Variants in RASEF observed in about 807,000 individuals in gnomAD.
RASEF encodes the protein ras and EF-hand domain-containing protein.
A neutral mutation model predicts 90.1 loss-of-function variants in RASEF; 68 were observed. The ratio of observed to expected loss-of-function variants is 0.75; its 90% CI spans 0.62 to 0.92. RASEF has a LOEUF of 0.92. Among genes scored for constraint, RASEF ranks in the 40% least tolerant of loss-of-function variants. The pLI, the probability that RASEF is intolerant of heterozygous loss-of-function variation, is 0.00. For synonymous variants in RASEF, 331 were observed against 345.2 expected (o/e 0.96, Z 0.46); for missense variants, 949 against 937.2 (o/e 1.01, Z -0.16).
chr9:83,088,367 T>C, the RASEF span, among the ~76,000 whole-genome samples: 1 of 124,132 alleles, frequency 8.1e-6, no homozygotes, highest in Non-Finnish European at 1.7e-5. Flanking sequence ...GAGATATAGA[T>C]AGATGGATAG....
At chr9:83,032,959 TAAG>T (rs1351211818) in intron 1 of RASEF, among the ~76,000 whole-genome samples, 1 of 152,170 alleles carries the variant, frequency 6.6e-6, no homozygotes, top group Non-Finnish European at 1.5e-5. Flanking sequence ...GGGAACCAGT[TAAG>T]TACAGACAAC....
At position 83,063,013 on chromosome 9, in the gene RASEF, CG is replaced by C. The variant is rs1830245958; in HGVS notation, c.-147del. On this transcript the variant is annotated 5_prime_UTR_variant, in exon 1 of 17. Coordinates refer to ENST00000376447, the MANE Select transcript of RASEF (RefSeq NM_152573.4). Reference sequence around the variant, plus strand: ...TTCGGCCACTTGAGGGAACGTCGGGCGGGGCGAGGAACGTCGGGGGTGGCCG... The same window carrying C: ...TTCGGCCACTTGAGGGAACGTCGGGCGGGCGAGGAACGTCGGGGGTGGCCG... 1.1e-6 allele frequency: 1 copy of C among 870,722 alleles called. No individual in the cohort carries two copies. The highest frequency in any genetic ancestry group is 1.6e-6 in the Non-Finnish European group (1 of 622,142). 53.9% of individuals were successfully genotyped at this position (870,722 alleles called of 1,614,324 possible). A position where few individuals can be genotyped will look rare whatever the true frequency, so the allele number is the denominator to read the frequency against.
chr9:83,137,794 T>C, the RASEF span, among the ~76,000 whole-genome samples: 2 of 37,020 alleles, frequency 5.4e-5, no homozygotes, highest in East Asian at 2.0e-3. Context: ...ATGAAGTGAT[T>C]GAAAAAAAAA....
the RASEF span, among the ~76,000 whole-genome samples, chr9:83,093,919 A>G: frequency 1.3e-5 from 2 of 152,240 alleles, no homozygotes; most frequent in Non-Finnish European, 2.9e-5. Flanking sequence ...ATAGCTTCAT[A>G]AATGTTAGTT....
the RASEF span, among the ~76,000 whole-genome samples, chr9:83,175,615 C>A: frequency 5.3e-5 from 8 of 151,674 alleles, no homozygotes; most frequent in South Asian, 1.7e-3. Flanking sequence ...GAGTCTCACT[C>A]TGTTGCCCAG....
the RASEF span, among the ~76,000 whole-genome samples, chr9:83,140,804 C>T: frequency 1.3e-5 from 2 of 151,826 alleles, no homozygotes; most frequent in Non-Finnish European, 2.9e-5. Context: ...AATAACTTTA[C>T]AAAATTAAGA....
the RASEF span, among the ~76,000 whole-genome samples, chr9:83,187,534 T>C: frequency 6.6e-6 from 1 of 152,264 alleles, no homozygotes; most frequent in Admixed American, 6.5e-5. Flanking sequence ...AAGAAGAAAC[T>C]GGCTCCATGA....
the RASEF span, among the ~76,000 whole-genome samples, chr9:83,116,087 C>A: frequency 6.6e-6 from 1 of 152,070 alleles, no homozygotes; most frequent in Non-Finnish European, 1.5e-5. Flanking sequence ...GAACTCCCTG[C>A]CAAGGCTTCA....
the RASEF span, among the ~76,000 whole-genome samples, chr9:83,079,370 T>C: frequency 6.6e-6 from 1 of 152,200 alleles, no homozygotes; most frequent in Non-Finnish European, 1.5e-5. Flanking sequence ...GGGGCCTTAT[T>C]TCTGGGCTCT....
rs982406054 is a variant in RASEF, at chr9:83,055,400, G to C, written c.431+7037C>G. The C allele has an allele frequency of 3.8e-4, 195 of 513,754 alleles. 1 individual carries two copies. Among genetic ancestry groups the C allele is most frequent in the Non-Finnish European group, 6.1e-4 (173 of 283,504 alleles). The allele number at this position is 513,754 out of a possible 1,614,324, so 31.8% of individuals were successfully genotyped here. On this transcript the variant is annotated intron_variant, in intron 1 of 16. Coordinates refer to ENST00000376447, the MANE Select transcript of RASEF (RefSeq NM_152573.4). ...GTGAGGCAATGCCTCGCCCTGCTTC[G>C]GCTCGCGCACGGTGCGCGCACACAC...
chr9:82,994,235 T>C (rs1231145372), intron 14 of RASEF, among the ~76,000 whole-genome samples: 2 of 152,218 alleles, frequency 1.3e-5, no homozygotes, highest in Admixed American at 1.3e-4. Flanking sequence ...CGCTCATTAA[T>C]GCGCTCGTTA....
At chr9:83,120,609 T>C in the RASEF span, among the ~76,000 whole-genome samples, 4 of 152,208 alleles carry the variant, frequency 2.6e-5, no homozygotes, top group African/African-American at 7.2e-5. Context: ...AATCCAGCTT[T>C]TCCTGACTGA....
intron 1 of RASEF, among the ~76,000 whole-genome samples, chr9:83,060,238 C>T (rs2117915250): frequency 6.6e-6 from 1 of 152,254 alleles, no homozygotes; most frequent in Non-Finnish European, 1.5e-5. Flanking sequence ...TCAGAAGAAA[C>T]TCTATTTTAT....
the RASEF span, among the ~76,000 whole-genome samples, chr9:83,165,419 G>T: frequency 1.1e-4 from 17 of 152,002 alleles, no homozygotes; most frequent in Admixed American, 1.1e-3. Flanking sequence ...GGTCTAAGAA[G>T]AAATCTCAAG....
the RASEF span, among the ~76,000 whole-genome samples, chr9:83,136,198 GA>G: frequency 4.6e-5 from 7 of 151,804 alleles, no homozygotes; most frequent in Non-Finnish European, 7.4e-5. Context: ...TGAACTTATA[GA>G]ATTCTTTATA....
Position 83,009,738 on chromosome 9 carries a change from T to C in RASEF, c.862A>G (p.Lys288Glu). ...DLSMENQKVK[K>E]DLLEAQTNIA... Reference sequence around the variant, plus strand: ...TTTGTCTGTGCTTCTAAAAGGTCTTTCTTAACTTTCTGGTTTTCCTGGATA... The same window carrying C: ...TTTGTCTGTGCTTCTAAAAGGTCTTCCTTAACTTTCTGGTTTTCCTGGATA... Residue 288 changes from lysine to glutamate, a missense_variant, in exon 6 of 17, where the codon AAA becomes GAA. By Grantham distance (56) the Lys-to-Glu change is moderately conservative. Around this residue, in one of 3 missense-constraint regions of RASEF, gnomAD observed 656 missense variants for 592.2 expected, o/e 1.11. Transcript: ENST00000376447. 2 of 1,611,744 alleles carry C rather than the reference T, an allele frequency of 1.2e-6. No individual in the cohort carries two copies. The highest frequency in any genetic ancestry group is 1.7e-6 in the Non-Finnish European group (2 of 1,177,976).
the RASEF span, among the ~76,000 whole-genome samples, chr9:83,161,601 T>C: frequency 6.6e-6 from 1 of 152,016 alleles, no homozygotes; most frequent in South Asian, 2.1e-4. Context: ...GAGTTAATGC[T>C]GAAATGAGTT....
intron 16 of RASEF, 23 bp from the exon 17 acceptor site, chr9:82,982,805 CAGAGAGAGAGAGAGAGAGAGAG>C: frequency 1.1e-6 from 1 of 915,884 alleles, no homozygotes; most frequent in Non-Finnish European, 1.8e-6. Context: ...TAGAGAGAGA[CAGAGAGAGAGAGAGAGAGAGAG>C]AGAGAGGATT....
chr9:83,195,385 T>C, the RASEF span, among the ~76,000 whole-genome samples: 1 of 152,148 alleles, frequency 6.6e-6, no homozygotes, highest in African/African-American at 2.4e-5. Flanking sequence ...GGGTCTGGGG[T>C]ATCTAATAAG....
Sources: allele counts gnomAD v4.1 joint callset (sites outside exome capture counted in the v4.1 genomes callset), GRCh38; gene constraint gnomAD v4.1.1; regional missense constraint gnomAD v4.1.1; transcripts MANE v1.5; gene names NCBI Gene and HGNC (gene_info 2026-07-23, HGNC 2026-07-21).